Variants in DGKB observed in about 807,000 individuals in gnomAD.
The protein encoded by DGKB is 90 kDa diacylglycerol kinase.
Under a neutral mutation model 114.3 loss-of-function variants are expected in DGKB, and 67 were observed. The ratio of observed to expected loss-of-function variants is 0.59; its 90% CI spans 0.48 to 0.72. The LOEUF (loss-of-function observed/expected upper bound fraction) is 0.72. DGKB is among the 30% of genes least tolerant of loss of function. DGKB has a pLI of 0.00. For synonymous variants in DGKB, 398 were observed against 323.1 expected, an observed-to-expected ratio of 1.23 and a Z score of -2.49; for missense variants, 907 against 975.2, an observed-to-expected ratio of 0.93 and a Z score of 0.93.
At chr7:14,503,834 A>G (rs891921155) in intron 20 of DGKB, among the ~76,000 whole-genome samples, 1 of 152,160 alleles carries the variant, frequency 6.6e-6, no homozygotes, top group Non-Finnish European at 1.5e-5. Context: ...AAACCTTTGC[A>G]GAAGTCCAGA....
chr7:14,822,983 T>C (rs1845155461), intron 2 of DGKB, among the ~76,000 whole-genome samples: 1 of 151,982 alleles, frequency 6.6e-6, no homozygotes, highest in Non-Finnish European at 1.5e-5. Flanking sequence ...TCAGCTGAAT[T>C]TACCAAGCAT....
intron 20 of DGKB, among the ~76,000 whole-genome samples, chr7:14,488,316 T>G (rs1203835142): frequency 1.3e-5 from 2 of 152,292 alleles, no homozygotes; most frequent in East Asian, 3.9e-4. Context: ...AGAAAACGTC[T>G]GTAATGGTCT....
At chr7:14,426,478 C>A (rs1827544341) in intron 21 of DGKB, among the ~76,000 whole-genome samples, 1 of 152,082 alleles carries the variant, frequency 6.6e-6, no homozygotes, top group African/African-American at 2.4e-5. Flanking sequence ...ACAATAAAGT[C>A]ATGTACCACA....
chr7:14,805,654 C>G (rs967086975), intron 2 of DGKB, among the ~76,000 whole-genome samples: 1 of 151,860 alleles, frequency 6.6e-6, no homozygotes, highest in African/African-American at 2.4e-5. Flanking sequence ...AGAAGTCTAT[C>G]TTAATCTTTA....
rs1374810953 is a variant in DGKB, at chr7:14,729,384, AG to A, written c.322+6656del. Among the ~76,000 whole-genome samples, 14 of 152,236 alleles carry A rather than the reference AG, an allele frequency of 9.2e-5. No homozygotes were observed. In the East Asian group the frequency reaches 2.7e-3, roughly 29 times the overall value. ...TGATTCGCCCACCTTGGCCTCCCAA[AG>A]TGCTGGGATTACAGGCACGAGCCAT... On this transcript the variant is annotated intron_variant, in intron 5 of 25. Coordinates refer to ENST00000402815, the MANE Select transcript of DGKB (RefSeq NM_001350709.2).
chr7:14,494,628 C>T (rs556150460), intron 20 of DGKB, among the ~76,000 whole-genome samples: 4 of 151,834 alleles, frequency 2.6e-5, no homozygotes, highest in Non-Finnish European at 5.9e-5. Flanking sequence ...TTATGGGACA[C>T]CTTGTATTGC....
chr7:14,934,975 T>C (rs1333628460), intron 1 of DGKB, among the ~76,000 whole-genome samples: 1 of 152,218 alleles, frequency 6.6e-6, no homozygotes, highest in Non-Finnish European at 1.5e-5. Flanking sequence ...CTCCTGGTTC[T>C]GAAAGCACAT....
At chr7:14,594,426 C>T (rs1316190699) in intron 17 of DGKB, among the ~76,000 whole-genome samples, 1 of 151,912 alleles carries the variant, frequency 6.6e-6, no homozygotes, top group Non-Finnish European at 1.5e-5. Context: ...ACAGACAATT[C>T]TGATGTAGTA....
chr7:14,166,144 C>T (rs1784578930), intron 25 of DGKB, among the ~76,000 whole-genome samples: 1 of 152,164 alleles, frequency 6.6e-6, no homozygotes, highest in African/African-American at 2.4e-5. Flanking sequence ...AATGTGTTCG[C>T]CTACAATGTA....
At chr7:14,506,837 C>T (rs1458152448) in intron 20 of DGKB, among the ~76,000 whole-genome samples, 1 of 152,168 alleles carries the variant, frequency 6.6e-6, no homozygotes, top group African/African-American at 2.4e-5. Flanking sequence ...CTGTCTTTTC[C>T]AGCAAGTTGA....
intron 23 of DGKB, among the ~76,000 whole-genome samples, chr7:14,264,985 G>T (rs1444560793): frequency 6.6e-6 from 1 of 152,000 alleles, no homozygotes; most frequent in Admixed American, 6.6e-5. Context: ...AAAATATATG[G>T]CATTTGCTTT....
At chr7:14,597,379 T>C (rs1802764189) in intron 17 of DGKB, among the ~76,000 whole-genome samples, 1 of 152,198 alleles carries the variant, frequency 6.6e-6, no homozygotes, top group Non-Finnish European at 1.5e-5. Context: ...AAATGATATG[T>C]ACATAATTGA....
At chr7:14,674,651 C>G (rs888116841) in intron 12 of DGKB, among the ~76,000 whole-genome samples, 1 of 152,014 alleles carries the variant, frequency 6.6e-6, no homozygotes, top group Non-Finnish European at 1.5e-5. Context: ...TAGCTGGACC[C>G]TAATCCAATG....
chr7:14,608,008 C>T (rs114205800), intron 16 of DGKB, among the ~76,000 whole-genome samples: 1 of 152,092 alleles, frequency 6.6e-6, no homozygotes, highest in African/African-American at 2.4e-5. Context: ...AATGTAGCCT[C>T]ATCTGGCCTA....
chr7:14,899,229 T>C (rs1218581014), intron 1 of DGKB, among the ~76,000 whole-genome samples: 1 of 152,120 alleles, frequency 6.6e-6, no homozygotes, highest in Non-Finnish European at 1.5e-5. Flanking sequence ...AAAGTGATTG[T>C]GCAAGAATCA....
intron 21 of DGKB, among the ~76,000 whole-genome samples, chr7:14,476,755 ATTTT>A (rs11386744): frequency 7.4e-6 from 1 of 135,360 alleles, no homozygotes. Context: ...TACTAAAAAC[ATTTT>A]TTTTTTTTTT....
intron 23 of DGKB, among the ~76,000 whole-genome samples, chr7:14,302,817 T>C (rs566447333): frequency 6.6e-6 from 1 of 152,284 alleles, no homozygotes; most frequent in South Asian, 2.1e-4. Context: ...GATTTGTAAT[T>C]AATATATCTT....
chr7:14,566,264 A>T (rs1797367792), intron 20 of DGKB, among the ~76,000 whole-genome samples: 1 of 152,194 alleles, frequency 6.6e-6, no homozygotes, highest in Non-Finnish European at 1.5e-5. Context: ...GATTTTACTC[A>T]TATGGCTTCA....
In DGKB at chr7:14,597,825, CAT is replaced by C. The variant is rs1491190370; in HGVS notation, c.1433+9607_1433+9608del. Among the ~76,000 whole-genome samples, 28 of 152,092 alleles carry C rather than the reference CAT, an allele frequency of 1.8e-4. No individual in the cohort carries two copies. The East Asian group carries it at 4.1e-3, about 22-fold the overall frequency. ...AGTAGGAGAATAACTGAATAATTTA[CAT>C]GTGTGTGTGTGTGCATGCATGTGTA... On this transcript the variant is annotated intron_variant, in intron 17 of 25. Coordinates refer to ENST00000402815, the MANE Select transcript of DGKB (RefSeq NM_001350709.2).
Sources: allele counts gnomAD v4.1 joint callset (sites outside exome capture counted in the v4.1 genomes callset), GRCh38; gene constraint gnomAD v4.1.1; transcripts MANE v1.5; gene names NCBI Gene and HGNC (gene_info 2026-07-23, HGNC 2026-07-21).